LINGO2: variants seen among roughly 807,000 people sequenced by gnomAD.
The protein encoded by LINGO2 is leucine rich repeat and Ig domain containing 2.
A neutral mutation model predicts 30.6 loss-of-function variants in LINGO2; 14 were observed. The ratio of observed to expected loss-of-function variants is 0.46; its 90% CI spans 0.30 to 0.72. The LOEUF (loss-of-function observed/expected upper bound fraction) is 0.72. Ranked by LOEUF, LINGO2 falls within the 30% of genes least tolerant of loss-of-function variation. The pLI is 0.07. For synonymous variants in LINGO2, 317 were observed against 288.5 expected (o/e 1.10, Z -1.00); for missense variants, 729 against 751.7 (o/e 0.97, Z 0.35).
At chr9:29,044,098 T>C in the LINGO2 span, among the ~76,000 whole-genome samples, 1 of 152,026 alleles carries the variant, frequency 6.6e-6, no homozygotes, top group Admixed American at 6.6e-5. Flanking sequence ...TTCAAAGTTC[T>C]ATGCCTCAGT....
At position 27,995,420 on chromosome 9, in the gene LINGO2, G is replaced by C. The variant is rs1821610345; in HGVS notation, c.-36+16935C>G. On this transcript the variant is annotated intron_variant, in intron 5 of 5. Transcript: ENST00000379992. ...TACCCTGCTACCCAAACCAGACAAA[G>C]ACGAACAATAAAAAACGCTACATGC... Among the ~76,000 whole-genome samples the C allele has an allele frequency of 1.3e-5, 2 of 152,090 alleles. 1 individual carries two copies. Among genetic ancestry groups the C allele is most frequent in the South Asian group, 4.1e-4 (2 of 4,832 alleles).
chr9:28,607,293 A>C (rs1009700249), intron 1 of LINGO2, among the ~76,000 whole-genome samples: 2 of 152,060 alleles, frequency 1.3e-5, no homozygotes, highest in Non-Finnish European at 2.9e-5. Flanking sequence ...ATGAAGAAAA[A>C]AGGGAATTGT....
intron 4 of LINGO2, among the ~76,000 whole-genome samples, chr9:28,272,398 C>T (rs1340158843): frequency 6.6e-6 from 1 of 151,796 alleles, no homozygotes; most frequent in Non-Finnish European, 1.5e-5. Flanking sequence ...ACATGCTGAG[C>T]TTATTCCTGC....
At chr9:28,469,677 T>C (rs1182868815) in intron 2 of LINGO2, among the ~76,000 whole-genome samples, 1 of 152,104 alleles carries the variant, frequency 6.6e-6, no homozygotes, top group Non-Finnish European at 1.5e-5. Flanking sequence ...TTTAATGTGC[T>C]AAAATAAGAA....
chr9:29,078,176 A>G, the LINGO2 span, among the ~76,000 whole-genome samples: 29,934 of 151,836 alleles, frequency 0.2, 3,097 homozygotes, highest in African/African-American at 0.24. Context: ...GAAAAGGAGC[A>G]GCAATTAGAG....
intron 2 of LINGO2, among the ~76,000 whole-genome samples, chr9:28,404,159 C>A (rs1026255998): frequency 5.3e-5 from 8 of 152,010 alleles, no homozygotes; most frequent in African/African-American, 1.9e-4. Flanking sequence ...AAAATATACC[C>A]CTATATCTCA....
chr9:28,415,099 A>G (rs1041906857), intron 2 of LINGO2, among the ~76,000 whole-genome samples: 2 of 152,160 alleles, frequency 1.3e-5, no homozygotes, highest in African/African-American at 4.8e-5. Flanking sequence ...AGAGCAGAAA[A>G]GGAATAGAAG....
chr9:28,627,666 A>C (rs573723168), intron 1 of LINGO2, among the ~76,000 whole-genome samples: 37 of 152,238 alleles, frequency 2.4e-4, no homozygotes, highest in African/African-American at 8.4e-4. Context: ...TGTTTAAGGT[A>C]GGGAAAACAA....
At chr9:28,694,841 T>C in the LINGO2 span, among the ~76,000 whole-genome samples, 12 of 151,972 alleles carry the variant, frequency 7.9e-5, no homozygotes, top group African/African-American at 2.7e-4. Context: ...TGGATTCTTC[T>C]CTGTTAGAGA....
At chr9:28,023,801 C>G (rs925728908) in intron 4 of LINGO2, among the ~76,000 whole-genome samples, 1 of 152,056 alleles carries the variant, frequency 6.6e-6, no homozygotes, top group Admixed American at 6.6e-5. Context: ...GGTGACTTTC[C>G]TAGAGATAAA....
At chr9:28,875,319 G>C in the LINGO2 span, among the ~76,000 whole-genome samples, 1 of 151,652 alleles carries the variant, frequency 6.6e-6, no homozygotes, top group Non-Finnish European at 1.5e-5. Context: ...GTCTGGGTTT[G>C]TGTACGTCTA....
the LINGO2 span, among the ~76,000 whole-genome samples, chr9:28,982,941 T>A: frequency 1.3e-5 from 2 of 151,966 alleles, no homozygotes; most frequent in Non-Finnish European, 2.9e-5. Context: ...CATATATGAA[T>A]CTTTTGTTTG....
intron 2 of LINGO2, among the ~76,000 whole-genome samples, chr9:28,403,220 A>G (rs1447706680): frequency 6.6e-6 from 1 of 152,110 alleles, no homozygotes; most frequent in Non-Finnish European, 1.5e-5. Context: ...CATGGACTTA[A>G]TTAATGGGCT....
chr9:28,913,243 T>G, the LINGO2 span, among the ~76,000 whole-genome samples: 1 of 152,110 alleles, frequency 6.6e-6, no homozygotes, highest in African/African-American at 2.4e-5. Flanking sequence ...TAACATGTGA[T>G]GTAGTAATTA....
chr9:28,267,828 G>C (rs1822808167), intron 4 of LINGO2, among the ~76,000 whole-genome samples: 1 of 152,078 alleles, frequency 6.6e-6, no homozygotes. Context: ...AACAGCAGGA[G>C]CTCCAGACTC....
At chr9:28,568,503 CCAAA>C (rs1328650654) in intron 1 of LINGO2, among the ~76,000 whole-genome samples, 8 of 151,776 alleles carry the variant, frequency 5.3e-5, no homozygotes, top group South Asian at 2.1e-4. Flanking sequence ...TTGAAAGTTC[CCAAA>C]CAGTTTCAAC....
the LINGO2 span, among the ~76,000 whole-genome samples, chr9:29,064,047 C>T: frequency 6.6e-6 from 1 of 151,962 alleles, no homozygotes; most frequent in Admixed American, 6.6e-5. Flanking sequence ...TGAAAGTTAG[C>T]CAATTTTTAA....
chr9:28,990,019 T>A, the LINGO2 span, among the ~76,000 whole-genome samples: 6 of 152,226 alleles, frequency 3.9e-5, no homozygotes, highest in Non-Finnish European at 8.8e-5. Context: ...TTCATCTCAC[T>A]AGGGAGCACC....
chr9:28,450,876 G>T (rs1207278763), intron 2 of LINGO2, among the ~76,000 whole-genome samples: 1 of 151,864 alleles, frequency 6.6e-6, no homozygotes, highest in Admixed American at 6.6e-5. Context: ...ACATAAAAAT[G>T]AATGATTAAT....
Sources: gnomAD v4.1 joint callset for allele counts (sites outside exome capture counted in the v4.1 genomes callset) on GRCh38, gnomAD v4.1.1 for gene constraint, MANE v1.5 for transcripts, NCBI Gene and HGNC (gene_info 2026-07-23, HGNC 2026-07-21) for gene names.